The following MYLK variants were observed in gnomAD, a reference collection of about 807,000 sequenced individuals.
The protein encoded by MYLK is myosin light chain kinase, smooth muscle.
MYLK carries 106 observed loss-of-function variants against 203.4 expected under a neutral mutation model. That is an observed-to-expected ratio of 0.52 (90% CI 0.45 to 0.61). The LOEUF is 0.61. Among genes scored for constraint, MYLK ranks in the 20% least tolerant of loss-of-function variants. MYLK has a pLI of 0.00. For synonymous variants in MYLK, 867 were observed against 959.5 expected (o/e 0.90, Z 1.78); for missense variants, 2,072 against 2,442.3 (o/e 0.85, Z 3.20).
At chr3:123,733,202 G>A (rs2062549154) in intron 10 of MYLK, 100 bp from the exon 11 acceptor site, 1 of 1,328,430 alleles carries the variant, frequency 7.5e-7, no homozygotes, top group Non-Finnish European at 1.1e-6. Context: ...AAAGGGCTCA[G>A]TTTGGTGTGG....
At chr3:123,701,134 G>A (rs374060602) in intron 17 of MYLK, 129 bp from the exon 18 acceptor site, 31 of 1,286,632 alleles carry the variant, frequency 2.4e-5, no homozygotes, top group Admixed American at 2.0e-4. Context: ...GGGGGAGGCC[G>A]GCCAGGCTGT....
chr3:123,865,300 T>A (rs1033954442), intron 2 of MYLK, among the ~76,000 whole-genome samples: 1 of 152,258 alleles, frequency 6.6e-6, no homozygotes, highest in African/African-American at 2.4e-5. Flanking sequence ...TTACCAGTAT[T>A]CCCTAACATA....
chr3:123,656,041 T>C (rs1478946951), intron 24 of MYLK, among the ~76,000 whole-genome samples: 2 of 152,228 alleles, frequency 1.3e-5, no homozygotes, highest in Non-Finnish European at 2.9e-5. Context: ...TTCTACCTCC[T>C]GAGGCTTGAA....
At chr3:123,794,182 A>G (rs2109108987) in intron 3 of MYLK, among the ~76,000 whole-genome samples, 1 of 152,368 alleles carries the variant, frequency 6.6e-6, no homozygotes, top group Non-Finnish European at 1.5e-5. Context: ...AATAGTTCTT[A>G]TAATAGATAT....
intron 3 of MYLK, among the ~76,000 whole-genome samples, chr3:123,826,537 C>T (rs530935620): frequency 3.5e-4 from 54 of 152,182 alleles, no homozygotes; most frequent in Non-Finnish European, 6.6e-4. Flanking sequence ...GACTTCTGTC[C>T]GCATCCTGTC....
chr3:123,722,976 G>A (rs1364957297), intron 12 of MYLK, among the ~76,000 whole-genome samples: 1 of 152,170 alleles, frequency 6.6e-6, no homozygotes, highest in Non-Finnish European at 1.5e-5. Context: ...CCTGCATGGA[G>A]ACAGGAGTGC....
chr3:123,620,132 A>G, intron 32 of MYLK, 75 bp downstream of exon 32: 1 of 1,369,658 alleles, frequency 7.3e-7, no homozygotes, highest in Non-Finnish European at 1.0e-6. Context: ...AACAAAACCA[A>G]CCAAAACCTC....
At chr3:123,712,962 C>T (rs1209286027) in intron 13 of MYLK, among the ~76,000 whole-genome samples, 9 of 152,226 alleles carry the variant, frequency 5.9e-5, no homozygotes, top group Non-Finnish European at 1.2e-4. Flanking sequence ...CTGGGCTTCA[C>T]CCAAGGATTA....
At chr3:123,661,211 C>T (rs1294502291) in intron 23 of MYLK, among the ~76,000 whole-genome samples, 1 of 152,000 alleles carries the variant, frequency 6.6e-6, no homozygotes, top group Non-Finnish European at 1.5e-5. Context: ...CGTGGCACTG[C>T]GCAGGAGCTG....
At chr3:123,874,598 G>A (rs111750541) in intron 2 of MYLK, among the ~76,000 whole-genome samples, 15 of 152,200 alleles carry the variant, frequency 9.9e-5, no homozygotes, top group African/African-American at 3.6e-4. Context: ...AGATATAACA[G>A]CAAAAGCATA....
At chr3:123,814,364 TAGAC>T (rs2065668823) in intron 3 of MYLK, among the ~76,000 whole-genome samples, 1 of 152,220 alleles carries the variant, frequency 6.6e-6, no homozygotes, top group Non-Finnish European at 1.5e-5. Flanking sequence ...ACTCCTTTGC[TAGAC>T]AGACAGTGTC....
At chr3:123,876,194 T>TA (rs926248190) in intron 2 of MYLK, among the ~76,000 whole-genome samples, 9 of 151,194 alleles carry the variant, frequency 6.0e-5, no homozygotes, top group Non-Finnish European at 7.4e-5. Context: ...ATTTTTTTTT[T>TA]AAAAAAACTA....
intron 30 of MYLK, 33 bp from the exon 31 acceptor site, chr3:123,626,974 C>T (rs1333182692): frequency 6.2e-6 from 10 of 1,613,232 alleles, no homozygotes; most frequent in Non-Finnish European, 8.5e-6. Flanking sequence ...GATTTTTGAG[C>T]AGGAGGAGAC....
intron 3 of MYLK, 117 bp downstream of exon 3, chr3:123,831,431 G>A: frequency 7.8e-7 from 1 of 1,289,336 alleles, no homozygotes; most frequent in Non-Finnish European, 1.0e-6. Context: ...ATCTCACCTT[G>A]GGGGCAGCAG....
At position 123,831,574 on chromosome 3, in the gene MYLK, G is replaced by A; in HGVS notation, c.-30C>T. ...ACCGTCTTCTCTGTTGTTTGTTGTGGCAACTGGGCCAGTGGGACAGGAAAG... is the reference window on the plus strand; with the variant it reads ...ACCGTCTTCTCTGTTGTTTGTTGTGACAACTGGGCCAGTGGGACAGGAAAG... On this transcript the variant is annotated 5_prime_UTR_variant, in exon 3 of 34. Transcript: ENST00000360304. 4 of 417,094 alleles carry A rather than the reference G, an allele frequency of 9.6e-6. No individual in the cohort carries two copies. The highest frequency in any genetic ancestry group is 4.4e-5 in the Admixed American group (1 of 22,928). The allele number at this position is 417,094 out of a possible 1,614,324, so 25.8% of individuals were successfully genotyped here.
intron 2 of MYLK, among the ~76,000 whole-genome samples, chr3:123,855,184 T>G (rs1310079092): frequency 6.6e-6 from 1 of 152,194 alleles, no homozygotes; most frequent in Admixed American, 6.5e-5. Flanking sequence ...ATTGCTTCAC[T>G]TCCATTCCCT....
rs570336760 is a variant in MYLK, at chr3:123,882,129, G to A, written c.-186+2077C>T. ...GGGGTGAGCAAACCTCACACAAACA[G>A]CAACTACTCTGGCTGGGTGCAGTGG... On this transcript the variant is annotated intron_variant, in intron 1 of 33. Transcript: ENST00000360304. 9.9e-4 allele frequency among the ~76,000 whole-genome samples: 151 copies of A among 152,342 alleles called. 4 individuals are homozygous for A. The highest frequency in any genetic ancestry group is 9.7e-3 in the Admixed American group (149 of 15,306).
At chr3:123,814,014 C>A in intron 3 of MYLK, 1 of 178,454 alleles carries the variant, frequency 5.6e-6, no homozygotes, top group Non-Finnish European at 1.2e-5. Context: ...CACCTCTACC[C>A]TAATCACTCC....
chr3:123,615,247 T>TAAAA (rs1049072988), intron 33 of MYLK, among the ~76,000 whole-genome samples: 2 of 151,958 alleles, frequency 1.3e-5, no homozygotes, highest in African/African-American at 4.8e-5. Flanking sequence ...AAATAAAAAT[T>TAAAA]AAAAATAGAG....
Sources: allele counts gnomAD v4.1 joint callset (sites outside exome capture counted in the v4.1 genomes callset), GRCh38; gene constraint gnomAD v4.1.1; transcripts MANE v1.5; gene names NCBI Gene and HGNC (gene_info 2026-07-23, HGNC 2026-07-21).